Variants in OPRM1 observed in about 807,000 individuals in gnomAD.
The protein encoded by OPRM1 is opioid receptor mu 1, also known as mu-type opioid receptor.
Under a neutral mutation model 31.8 loss-of-function variants are expected in OPRM1, and 27 were observed. The observed-to-expected ratio is 0.85, with a 90% CI of 0.63 to 1.17. OPRM1 has a LOEUF of 1.17. Ranked by LOEUF, OPRM1 falls within the 50% of genes most tolerant of loss-of-function variation. The probability of loss-of-function intolerance (pLI) is 0.00; values close to 1 mark genes in which losing one functional copy is unlikely to be tolerated. For missense variants in OPRM1, 536 were observed against 511.1 expected (o/e 1.05, Z -0.47); for synonymous variants, 196 against 189.9 (o/e 1.03, Z -0.26).
intron 3 of OPRM1, among the ~76,000 whole-genome samples, chr6:154,097,456 T>A (rs1260327371): frequency 1.8e-4 from 27 of 152,070 alleles, no homozygotes; most frequent in Non-Finnish European, 5.9e-5. Context: ...TTGTTTCAAT[T>A]CAATGGGAAA....
chr6:154,063,362 A>G (rs1784768315), intron 1 of OPRM1, among the ~76,000 whole-genome samples: 1 of 152,052 alleles, frequency 6.6e-6, no homozygotes, highest in Admixed American at 6.6e-5. Flanking sequence ...CATATATGGT[A>G]GCAGTGCAAT....
intron 3 of OPRM1, among the ~76,000 whole-genome samples, chr6:154,234,374 T>C (rs1466610746): frequency 1.3e-5 from 2 of 152,160 alleles, no homozygotes. Flanking sequence ...TTCTACCCTC[T>C]CTCACTTCCC....
At chr6:154,201,614 G>T (rs1315340598) in intron 3 of OPRM1, among the ~76,000 whole-genome samples, 2 of 152,176 alleles carry the variant, frequency 1.3e-5, no homozygotes, top group Admixed American at 6.5e-5. Flanking sequence ...TCTAAGGAAG[G>T]CCAGGCGCGG....
At chr6:154,219,985 AGTGTGTGTGTGTGT>A (rs57450665) in intron 3 of OPRM1, among the ~76,000 whole-genome samples, 56 of 140,138 alleles carry the variant, frequency 4.0e-4, no homozygotes, top group Middle Eastern at 3.6e-3. Flanking sequence ...ACCTGTAAGG[AGTGTGTGTGTGTGT>A]GTGTGTGTGT....
At chr6:154,208,603 T>G (rs1348535900) in intron 3 of OPRM1, among the ~76,000 whole-genome samples, 1 of 152,268 alleles carries the variant, frequency 6.6e-6, no homozygotes. Context: ...TTTAGAATGC[T>G]GGCTCTCAAT....
intron 3 of OPRM1, among the ~76,000 whole-genome samples, chr6:154,198,117 A>G (rs1357476037): frequency 6.6e-6 from 1 of 152,206 alleles, no homozygotes; most frequent in Non-Finnish European, 1.5e-5. Flanking sequence ...ACCTCCAGTG[A>G]TAAGGAATGC....
At chr6:154,157,045 C>T (rs1798746026) in intron 3 of OPRM1, 1 of 152,242 alleles carries the variant, frequency 6.6e-6, no homozygotes, top group African/African-American at 2.4e-5. Flanking sequence ...GGCCCTTGGA[C>T]CCCAGGAAAC....
chr6:154,069,610 T>C (rs1786213968), intron 1 of OPRM1, among the ~76,000 whole-genome samples: 3 of 152,214 alleles, frequency 2.0e-5, no homozygotes, highest in Non-Finnish European at 4.4e-5. Flanking sequence ...TTCCTATGTT[T>C]TCTTTTAGCA....
At chr6:154,225,749 G>T (rs1779199675) in intron 3 of OPRM1, among the ~76,000 whole-genome samples, 1 of 152,182 alleles carries the variant, frequency 6.6e-6, no homozygotes, top group Non-Finnish European at 1.5e-5. Flanking sequence ...TAGGTTGTAT[G>T]ACTTTCATCT....
chr6:154,189,118 T>C (rs550326657), intron 3 of OPRM1, among the ~76,000 whole-genome samples: 55 of 152,206 alleles, frequency 3.6e-4, no homozygotes, highest in African/African-American at 1.2e-3. Flanking sequence ...TACAAATCCA[T>C]TGGAAAAACA....
intron 3 of OPRM1, among the ~76,000 whole-genome samples, chr6:154,210,459 CAA>C (rs1175211010): frequency 4.6e-5 from 7 of 151,982 alleles, no homozygotes; most frequent in Admixed American, 6.6e-5. Context: ...AGAAACTTAG[CAA>C]AAATACATAA....
chr6:154,104,279 A>AT (rs1198733518), intron 3 of OPRM1, among the ~76,000 whole-genome samples: 1 of 152,236 alleles, frequency 6.6e-6, no homozygotes, highest in East Asian at 1.9e-4. Flanking sequence ...AGTTAAAGAA[A>AT]ACATTCAGTC....
chr6:154,021,840 G>GTT (rs201448083), intron 1 of OPRM1, among the ~76,000 whole-genome samples: 16 of 151,556 alleles, frequency 1.1e-4, no homozygotes, highest in African/African-American at 3.9e-4. Flanking sequence ...CTCCAGGAGG[G>GTT]TTTTCTCTTT....
rs183605358 is a variant in OPRM1 at position 154,014,925 on chromosome 6, T to G, written c.-1+3907T>G. 1.0e-3 allele frequency among the ~76,000 whole-genome samples: 157 copies of G among 152,200 alleles called. 1 individual carries two copies. Among genetic ancestry groups the G allele is most frequent in the African/African-American group, 3.5e-3 (146 of 41,536 alleles). ...AGATACAATGGGAAAGAAGACCATA[T>G]CTGATATAGCCAAAATGTATAATAA... On this transcript the variant is annotated intron_variant, in intron 1 of 5. Coordinates refer to the OPRM1 transcript ENST00000434900.
rs534473596 is a variant in OPRM1, at chr6:154,129,273, A to G, written c.*10552A>G. Among the ~76,000 whole-genome samples, 4 of 152,238 alleles carry G rather than the reference A, an allele frequency of 2.6e-5. No individual in the cohort carries two copies. The highest frequency in any genetic ancestry group is 4.4e-5 in the Non-Finnish European group (3 of 68,030). Reference sequence around the variant, plus strand: ...AGAACAGGACAGGGAGTTCTTCTATACAATAGAGAACAGAACAATGTTCTT... The same window carrying G: ...AGAACAGGACAGGGAGTTCTTCTATGCAATAGAGAACAGAACAATGTTCTT... On this transcript the variant is annotated 3_prime_UTR_variant, in exon 4 of 4. Transcript: ENST00000330432.
chr6:154,246,298 G>A (rs183989656), intron 3 of OPRM1, among the ~76,000 whole-genome samples: 1 of 152,222 alleles, frequency 6.6e-6, no homozygotes, highest in East Asian at 1.9e-4. Context: ...ATCCCTCGTG[G>A]AATAGTAACA....
intron 1 of OPRM1, among the ~76,000 whole-genome samples, chr6:154,062,128 A>G (rs1784549394): frequency 6.6e-6 from 1 of 152,192 alleles, no homozygotes; most frequent in Non-Finnish European, 1.5e-5. Context: ...TATATAGTTC[A>G]GTGTTATTCA....
intron 3 of OPRM1, among the ~76,000 whole-genome samples, chr6:154,204,110 T>G (rs1042996763): frequency 1.3e-5 from 2 of 152,238 alleles, no homozygotes; most frequent in African/African-American, 4.8e-5. Flanking sequence ...AAAATCTTCG[T>G]TCTAGTTAAG....
intron 3 of OPRM1, 169 bp downstream of exon 3, chr6:154,091,641 C>G: frequency 7.1e-7 from 1 of 1,415,768 alleles, no homozygotes; most frequent in East Asian, 2.5e-5. Context: ...AAACTGTGTT[C>G]TTTATATTTG....
Sources: gnomAD v4.1 joint callset for allele counts (sites outside exome capture counted in the v4.1 genomes callset) on GRCh38, gnomAD v4.1.1 for gene constraint, MANE v1.5 for transcripts, NCBI Gene and HGNC (gene_info 2026-07-23, HGNC 2026-07-21) for gene names.